The following ZNF124 variants were observed in gnomAD, a reference collection of about 807,000 sequenced individuals.
ZNF124 encodes the protein zinc finger protein 124, also known as zinc finger protein HZF-16.
A neutral mutation model predicts 26.6 loss-of-function variants in ZNF124; 25 were observed. That is an observed-to-expected ratio of 0.94 (90% CI 0.68 to 1.31). The LOEUF (loss-of-function observed/expected upper bound fraction) is 1.31, where lower values mean the gene tolerates loss of function less well. Among genes scored for constraint, ZNF124 ranks in the 40% most tolerant of loss-of-function variants. The pLI is 0.00. For synonymous variants in ZNF124, 129 were observed against 133.3 expected (o/e 0.97, Z 0.22); for missense variants, 444 against 422.2 (o/e 1.05, Z -0.45).
chr1:247,127,598 G>C (rs7355112), intron 3 of ZNF124, among the ~76,000 whole-genome samples: 2 of 140,528 alleles, frequency 1.4e-5, no homozygotes, highest in Non-Finnish European at 3.1e-5. Context: ...CCCTTGACCT[G>C]ACCGGTTGTG....
chr1:247,161,021 C>G (rs530218874), intron 1 of ZNF124, among the ~76,000 whole-genome samples: 112 of 152,298 alleles, frequency 7.4e-4, no homozygotes, highest in African/African-American at 2.6e-3. Context: ...TCACCTCTTA[C>G]AAATGATATT....
Position 247,157,029 on chromosome 1 carries a change from C to A in ZNF124, c.593G>T (p.Arg198Ile). The change falls in exon 4 of 4, where the codon AGA becomes ATA. Residue 198 changes from arginine (R) to isoleucine (I), a missense_variant. Physicochemically the swap from Arg to Ile is moderately conservative, Grantham distance 97. Coordinates refer to ENST00000543802, the MANE Select transcript of ZNF124 (RefSeq NM_001297568.2). Reference sequence around the variant, plus strand: ...ATAGGGTTTCTCTCCAGTATGAGTTCTTTCATGGTCACGAAGGTGACTGGA... The same window carrying A: ...ATAGGGTTTCTCTCCAGTATGAGTTATTTCATGGTCACGAAGGTGACTGGA... Reference protein sequence around the residue: ...SRSSHLRDHERTHTGEKPYEC... With the variant: ...SRSSHLRDHEITHTGEKPYEC... The A allele has an allele frequency of 1.9e-6, 3 of 1,613,848 alleles. No homozygotes were observed. Among genetic ancestry groups the A allele is most frequent in the African/African-American group, 1.3e-5 (1 of 74,924 alleles).
intron 3 of ZNF124, among the ~76,000 whole-genome samples, chr1:247,133,950 G>A (rs186516102): frequency 2.2e-3 from 335 of 152,166 alleles, no homozygotes; most frequent in African/African-American, 7.9e-3. Flanking sequence ...ACGGCGCCCA[G>A]CCTCAACATT....
chr1:247,160,563 G>A (rs1673423872), intron 1 of ZNF124, among the ~76,000 whole-genome samples: 1 of 152,152 alleles, frequency 6.6e-6, no homozygotes, highest in African/African-American at 2.4e-5. Context: ...AACAACCTAA[G>A]TGATAAAAGT....
At chr1:247,163,666 C>G (rs1013977232) in intron 1 of ZNF124, among the ~76,000 whole-genome samples, 2 of 152,100 alleles carry the variant, frequency 1.3e-5, no homozygotes, top group Admixed American at 1.3e-4. Flanking sequence ...AACAGAAAAG[C>G]CAGGACCAGA....
chr1:247,137,487 C>CAAAAAAAA (rs56926662), intron 3 of ZNF124, among the ~76,000 whole-genome samples: 99 of 81,622 alleles, frequency 1.2e-3, no homozygotes, highest in East Asian at 3.5e-3. Flanking sequence ...ACTAAAAATA[C>CAAAAAAAA]AAAAAAAAAA....
intron 3 of ZNF124, among the ~76,000 whole-genome samples, chr1:247,130,007 G>A (rs1672295796): frequency 6.6e-6 from 1 of 151,980 alleles, no homozygotes; most frequent in Admixed American, 6.6e-5. Flanking sequence ...AGGATGGGGT[G>A]GGAGGATTCA....
chr1:247,145,138 C>T (rs1672729257), intron 3 of ZNF124, among the ~76,000 whole-genome samples: 1 of 152,208 alleles, frequency 6.6e-6, no homozygotes. Flanking sequence ...ATCTCTACAG[C>T]TCTCAACCAT....
intron 3 of ZNF124, among the ~76,000 whole-genome samples, chr1:247,125,946 C>G (rs1280164029): frequency 6.6e-6 from 1 of 150,378 alleles, no homozygotes; most frequent in South Asian, 2.1e-4. Flanking sequence ...AAATATTGTA[C>G]AATTGTATTC....
At chr1:247,163,394 T>TGAAGA (rs1553335539) in intron 1 of ZNF124, among the ~76,000 whole-genome samples, 1 of 150,202 alleles carries the variant, frequency 6.7e-6, no homozygotes, top group African/African-American at 2.5e-5. Context: ...GCTAGACTAA[T>TGAAGA]AAAGAAAAGG....
intron 3 of ZNF124, among the ~76,000 whole-genome samples, chr1:247,157,763 A>T (rs1407168644): frequency 2.6e-5 from 4 of 152,136 alleles, no homozygotes; most frequent in Admixed American, 2.0e-4. Context: ...TCTCATATGC[A>T]GTTTCTTAGT....
At chr1:247,122,255 T>G (rs534898227) in exon 4 of ZNF124, 1 of 152,380 alleles carries the variant, frequency 6.6e-6, no homozygotes, top group East Asian at 1.9e-4. Flanking sequence ...TTCTAAGTGA[T>G]TTATACCTAT....
At chr1:247,154,638 A>G (rs1673038614), downstream of ZNF124, among the ~76,000 whole-genome samples, 1 of 148,344 alleles carries the variant, frequency 6.7e-6, no homozygotes, top group Non-Finnish European at 1.5e-5. Context: ...CCAATATATA[A>G]GAAGACTTAC....
intron 1 of ZNF124, among the ~76,000 whole-genome samples, chr1:247,160,619 T>C (rs1673427855): frequency 6.6e-6 from 1 of 152,220 alleles, no homozygotes; most frequent in Non-Finnish European, 1.5e-5. Flanking sequence ...TGGTATTTGC[T>C]GAACCCCTGT....
intron 1 of ZNF124, among the ~76,000 whole-genome samples, chr1:247,161,687 A>G (rs545380277): frequency 6.6e-6 from 1 of 152,226 alleles, no homozygotes; most frequent in Non-Finnish European, 1.5e-5. Flanking sequence ...ACATAACAAG[A>G]AAAAAGACCA....
chr1:247,132,946 C>T (rs991121903), intron 3 of ZNF124, among the ~76,000 whole-genome samples: 2 of 152,190 alleles, frequency 1.3e-5, no homozygotes, highest in Non-Finnish European at 2.9e-5. Context: ...AAGTTCCCAG[C>T]TGAATAAAGC....
chr1:247,155,421 G>T lies in ZNF124; in HGVS notation c.*1145C>A, dbSNP rs60179768. Among the ~76,000 whole-genome samples, 131 of 151,816 alleles carry T rather than the reference G, an allele frequency of 8.6e-4. No homozygotes were observed. Among genetic ancestry groups the T allele is most frequent in the African/African-American group, 3.0e-3 (125 of 41,438 alleles). On this transcript the variant is annotated 3_prime_UTR_variant, in exon 4 of 4. Coordinates refer to ENST00000543802, the MANE Select transcript of ZNF124 (RefSeq NM_001297568.2). ...AAAAAATATTTTTTAAAATGGCTAT[G>T]CAAGAAAAAAGGAAAAGAAATACAT...
chr1:247,145,771 G>A (rs1025140843), intron 3 of ZNF124, among the ~76,000 whole-genome samples: 5 of 152,106 alleles, frequency 3.3e-5, no homozygotes, highest in African/African-American at 9.7e-5. Context: ...TGGGATTACA[G>A]GCGCCTACCA....
At chr1:247,137,708 C>T (rs1672521023) in intron 3 of ZNF124, among the ~76,000 whole-genome samples, 2 of 151,862 alleles carry the variant, frequency 1.3e-5, no homozygotes, top group African/African-American at 2.4e-5. Flanking sequence ...GGAATCTATC[C>T]ATCTGACAAA....
Sources: gnomAD v4.1 joint callset for allele counts (sites outside exome capture counted in the v4.1 genomes callset) on GRCh38, gnomAD v4.1.1 for gene constraint, MANE v1.5 for transcripts, NCBI Gene and HGNC (gene_info 2026-07-23, HGNC 2026-07-21) for gene names.